Variants in EML4 observed in about 807,000 individuals in gnomAD.
EML4 encodes the protein echinoderm microtubule-associated protein-like 4.
In EML4, 72 loss-of-function variants were observed where a neutral mutation model predicts 129.0. The ratio of observed to expected loss-of-function variants is 0.56; its 90% CI spans 0.46 to 0.68. The LOEUF is 0.68. EML4 is among the 30% of genes least tolerant of loss of function. The probability of loss-of-function intolerance (pLI) is 0.00; values close to 1 mark genes in which losing one functional copy is unlikely to be tolerated. For missense variants in EML4, 1,363 were observed against 1,190.6 expected (o/e 1.14, Z -2.13); for synonymous variants, 532 against 405.0 (o/e 1.31, Z -3.77).
Position 42,329,731 on chromosome 2 carries a change from T to C in EML4, c.2473-3T>C, listed in dbSNP as rs763915257. On this transcript the variant is annotated splice_region_variant and splice_polypyrimidine_tract_variant and intron_variant, in intron 22 of 22. Coordinates refer to ENST00000318522, the MANE Select transcript of EML4 (RefSeq NM_019063.5). ...TCCTGTCTGTCTGATTTATTTCATA[T>C]AGGCTCCCAGTCACAAGTACAGTGC... The C allele has an allele frequency of 3.8e-5, 62 of 1,610,490 alleles. No individual in the cohort carries two copies. The South Asian group carries it at 5.1e-4, about 13-fold the overall frequency.
chr2:42,299,841 A>T (rs2103703629), intron 13 of EML4, among the ~76,000 whole-genome samples: 1 of 152,310 alleles, frequency 6.6e-6, no homozygotes, highest in South Asian at 2.1e-4. Context: ...GGCATGTGCC[A>T]TCATGCCCGG....
chr2:42,280,536 A>G (rs546795321), intron 6 of EML4, among the ~76,000 whole-genome samples: 1 of 152,314 alleles, frequency 6.6e-6, no homozygotes, highest in African/African-American at 2.4e-5. Flanking sequence ...TACAACAACT[A>G]TTTACATAGC....
intron 10 of EML4, among the ~76,000 whole-genome samples, chr2:42,286,963 C>T (rs1373003466): frequency 1.3e-5 from 2 of 152,146 alleles, no homozygotes; most frequent in Non-Finnish European, 2.9e-5. Context: ...CAAGATCTTA[C>T]TCATTTAAAC....
chr2:42,178,234 A>G (rs1293680609), intron 1 of EML4, among the ~76,000 whole-genome samples: 6 of 152,140 alleles, frequency 3.9e-5, no homozygotes, highest in South Asian at 2.1e-4. Context: ...TTGCAAATCA[A>G]TTCTTTACTT....
At chr2:42,197,388 T>G (rs1671954716) in intron 1 of EML4, among the ~76,000 whole-genome samples, 1 of 151,590 alleles carries the variant, frequency 6.6e-6, no homozygotes, top group African/African-American at 2.4e-5. Flanking sequence ...ATAGAAAAAT[T>G]GATGTTGGTA....
chr2:42,265,062 C>A (rs998265032), intron 6 of EML4: 2 of 1,039,226 alleles, frequency 1.9e-6, no homozygotes, highest in Non-Finnish European at 2.9e-6. Flanking sequence ...AAAGGAAATA[C>A]AGTGATTTGA....
At chr2:42,279,164 A>G (rs141002557) in intron 6 of EML4, among the ~76,000 whole-genome samples, 22 of 152,104 alleles carry the variant, frequency 1.4e-4, no homozygotes, top group East Asian at 5.8e-4. Context: ...GTGTGTGTGT[A>G]TATATATATG....
intron 4 of EML4, among the ~76,000 whole-genome samples, chr2:42,262,340 C>A (rs1366819757): frequency 1.3e-5 from 2 of 152,152 alleles, no homozygotes; most frequent in African/African-American, 4.8e-5. Flanking sequence ...TCTGCCTGGT[C>A]TCCTGTGGAG....
At chr2:42,221,231 C>T (rs1490128569) in intron 1 of EML4, among the ~76,000 whole-genome samples, 1 of 152,046 alleles carries the variant, frequency 6.6e-6, no homozygotes, top group African/African-American at 2.4e-5. Flanking sequence ...CTTCAAAGGA[C>T]AAGCTGACTG....
chr2:42,229,101 C>G (rs1236031887), intron 1 of EML4, among the ~76,000 whole-genome samples: 1 of 152,064 alleles, frequency 6.6e-6, no homozygotes. Flanking sequence ...GCAAATGTTA[C>G]TCATCCTTAA....
intron 6 of EML4, among the ~76,000 whole-genome samples, chr2:42,273,727 T>C (rs1204707898): frequency 1.3e-5 from 2 of 152,296 alleles, no homozygotes; most frequent in Admixed American, 6.5e-5. Context: ...CTACTAATCT[T>C]TAGCAAGTAC....
At chr2:42,175,525 CAG>C (rs761042150) in intron 1 of EML4, among the ~76,000 whole-genome samples, 5 of 150,292 alleles carry the variant, frequency 3.3e-5, no homozygotes, top group Admixed American at 2.7e-4. Context: ...TTTTTTGAGA[CAG>C]AGTTTCTGTC....
rs549926085 is a variant in EML4, at chr2:42,202,190, G to A, written c.25+32554G>A. ...GTCAAATAGTACAAAGTTTCATTTG[G>A]ACAAGAGAAATAGATCCTGGTGATC... On this transcript the variant is annotated intron_variant, in intron 1 of 22. Coordinates refer to ENST00000318522, the MANE Select transcript of EML4 (RefSeq NM_019063.5). Among the ~76,000 whole-genome samples the A allele has an allele frequency of 1.5e-3, 224 of 152,262 alleles. 1 individual carries two copies. Among genetic ancestry groups the A allele is most frequent in the African/African-American group, 5.2e-3 (216 of 41,540 alleles).
At chr2:42,323,283 A>T (rs777249624) in intron 19 of EML4, among the ~76,000 whole-genome samples, 2 of 152,230 alleles carry the variant, frequency 1.3e-5, no homozygotes, top group Non-Finnish European at 2.9e-5. Flanking sequence ...TATGAAAAGG[A>T]TGTATGAACC....
chr2:42,203,915 T>A (rs1672385968), intron 1 of EML4, among the ~76,000 whole-genome samples: 1 of 152,132 alleles, frequency 6.6e-6, no homozygotes, highest in African/African-American at 2.4e-5. Flanking sequence ...TATACGATAC[T>A]GTTACCTTTC....
intron 17 of EML4, among the ~76,000 whole-genome samples, chr2:42,307,406 T>C (rs1166545003): frequency 6.6e-6 from 1 of 152,230 alleles, no homozygotes; most frequent in Non-Finnish European, 1.5e-5. Context: ...GGGGATTGAT[T>C]AGAATCTAGG....
At chr2:42,178,614 G>A (rs369341923) in intron 1 of EML4, among the ~76,000 whole-genome samples, 206 of 152,272 alleles carry the variant, frequency 1.4e-3, no homozygotes, top group African/African-American at 4.6e-3. Flanking sequence ...TGCCTGTCAC[G>A]TGAGAGATCC....
rs2104398474 is a variant in EML4 at position 42,264,751 on chromosome 2, A to T, written c.667+20A>T. On this transcript the variant is annotated intron_variant, in intron 6 of 22. Transcript: ENST00000318522. ...ACCAAGGTAAATTAAAAATCCTTTT[A>T]AAAATTTTATTTTGCCCTTCTTAGT... 1 of 1,466,888 alleles carries T rather than the reference A, an allele frequency of 6.8e-7. No homozygotes were observed. The highest frequency in any genetic ancestry group is 9.4e-7 in the Non-Finnish European group (1 of 1,063,164). 90.9% of individuals were successfully genotyped at this position (1,466,888 alleles called of 1,614,324 possible).
intron 1 of EML4, among the ~76,000 whole-genome samples, chr2:42,213,651 A>G (rs1379753268): frequency 6.6e-6 from 1 of 152,134 alleles, no homozygotes; most frequent in Non-Finnish European, 1.5e-5. Flanking sequence ...TCTTTTTCGC[A>G]GCAGCGATAT....
Sources: gnomAD v4.1 joint callset for allele counts (sites outside exome capture counted in the v4.1 genomes callset) on GRCh38, gnomAD v4.1.1 for gene constraint, MANE v1.5 for transcripts, NCBI Gene and HGNC (gene_info 2026-07-23, HGNC 2026-07-21) for gene names.